Variants in KIF13A observed in about 807,000 individuals in gnomAD.
KIF13A encodes kinesin-like protein KIF13A.
KIF13A carries 79 observed loss-of-function variants against 212.2 expected under a neutral mutation model. The observed-to-expected ratio is 0.37, with a 90% CI of 0.31 to 0.45. KIF13A has a LOEUF of 0.45. KIF13A is among the 20% of genes least tolerant of loss of function. The pLI is 1.00. For missense variants in KIF13A, 1,901 were observed against 2,209.0 expected, an observed-to-expected ratio of 0.86 and a Z score of 2.79; for synonymous variants, 789 against 808.6, an observed-to-expected ratio of 0.98 and a Z score of 0.41.
chr6:17,966,443 ATTTTTTTT>A (rs543132119), intron 2 of KIF13A, among the ~76,000 whole-genome samples: 5 of 116,066 alleles, frequency 4.3e-5, no homozygotes, highest in Non-Finnish European at 8.6e-5. Flanking sequence ...AAGACTCTGA[ATTTTTTTT>A]TTTTTTTTTT....
chr6:17,962,978 C>T (rs900941313), intron 2 of KIF13A, among the ~76,000 whole-genome samples: 2 of 152,206 alleles, frequency 1.3e-5, no homozygotes, highest in African/African-American at 4.8e-5. Context: ...CTGTCCCCTC[C>T]CCCACTACAC....
At chr6:17,946,902 T>A (rs776198368) in intron 2 of KIF13A, among the ~76,000 whole-genome samples, 1 of 152,184 alleles carries the variant, frequency 6.6e-6, no homozygotes, top group Non-Finnish European at 1.5e-5. Context: ...GACAAATGAA[T>A]CTCAAGAACA....
chr6:17,798,195 T>C (rs888780619), intron 22 of KIF13A, among the ~76,000 whole-genome samples: 2 of 139,776 alleles, frequency 1.4e-5, no homozygotes, highest in Non-Finnish European at 3.0e-5. Flanking sequence ...ATTTTAGCGA[T>C]GAAAAAACTC....
chr6:17,937,742 T>G (rs886530667), intron 2 of KIF13A, among the ~76,000 whole-genome samples: 1 of 71,420 alleles, frequency 1.4e-5, no homozygotes, highest in Admixed American at 1.2e-4. Context: ...TTCTTTCCTT[T>G]TTTGTTTTTT....
At chr6:17,812,548 A>G (rs1225154814) in intron 17 of KIF13A, 2 of 152,174 alleles carry the variant, frequency 1.3e-5, no homozygotes, top group Non-Finnish European at 2.9e-5. Context: ...TCCATGGTGT[A>G]CATGTACCAC....
At chr6:17,830,882 C>G (rs910817436) in intron 13 of KIF13A, among the ~76,000 whole-genome samples, 5 of 152,070 alleles carry the variant, frequency 3.3e-5, no homozygotes, top group Non-Finnish European at 7.4e-5. Flanking sequence ...CACTCTGAAG[C>G]CTGGACTCAC....
intron 4 of KIF13A, among the ~76,000 whole-genome samples, chr6:17,858,617 G>C (rs1362969151): frequency 6.6e-6 from 1 of 152,164 alleles, no homozygotes; most frequent in Non-Finnish European, 1.5e-5. Flanking sequence ...CTGGAGCCAA[G>C]GCCTATATCA....
At chr6:17,887,327 C>T (rs1426972604) in intron 3 of KIF13A, among the ~76,000 whole-genome samples, 1 of 152,172 alleles carries the variant, frequency 6.6e-6, no homozygotes, top group East Asian at 1.9e-4. Context: ...TGTTTCTAGC[C>T]ATTGAACATT....
At chr6:17,782,496 C>T (rs953041787) in intron 29 of KIF13A, among the ~76,000 whole-genome samples, 2 of 151,840 alleles carry the variant, frequency 1.3e-5, no homozygotes, top group South Asian at 4.2e-4. Flanking sequence ...ATTGGCCAGG[C>T]ATGGTCGTGG....
chr6:17,865,317 G>C (rs867256033), intron 4 of KIF13A, among the ~76,000 whole-genome samples: 2 of 102,124 alleles, frequency 2.0e-5, no homozygotes, highest in Admixed American at 1.9e-4. Context: ...TCAGAGTAGA[G>C]AGAGAGAGGA....
chr6:17,903,968 C>T (rs1773271668), intron 2 of KIF13A, among the ~76,000 whole-genome samples: 1 of 150,696 alleles, frequency 6.6e-6, no homozygotes, highest in Admixed American at 6.6e-5. Context: ...CCCTAGGCAA[C>T]ACAGTAAGAC....
Position 17,826,168 on chromosome 6 carries a change from A to G in KIF13A, c.1533-44T>C. 3.4e-6 allele frequency: 5 copies of G among 1,468,580 alleles called. No homozygotes were observed. The highest frequency in any genetic ancestry group is 4.8e-6 in the Non-Finnish European group (5 of 1,050,474). The allele number at this position is 1,468,580 out of a possible 1,614,324, so 91.0% of individuals were successfully genotyped here. On this transcript the variant is annotated intron_variant, in intron 14 of 38. Coordinates refer to ENST00000259711, the MANE Select transcript of KIF13A (RefSeq NM_022113.6). The surrounding 1 kb of genome is among the most constrained non-coding windows in gnomAD (Gnocchi z 4.7). ...AAATACCAGGTAAATGGGAAGGAGCACAAGACCTTGTCCTGGTAGCCAAAG... is the reference window on the plus strand; with the variant it reads ...AAATACCAGGTAAATGGGAAGGAGCGCAAGACCTTGTCCTGGTAGCCAAAG...
Position 17,771,388 on chromosome 6 carries a change from A to ATCTGTTTATTCCTGTC in KIF13A, c.4477-171_4477-170insGACAGGAATAAACAGA. ...TAAACTACTGGAGAGATATGACAGGAATAAACAGATTCTGTGGCAAAAAGC... is the reference window on the plus strand; with the variant it reads ...TAAACTACTGGAGAGATATGACAGGATCTGTTTATTCCTGTCATAAACAGATTCTGTGGCAAAAAGC... On this transcript the variant is annotated intron_variant, in intron 37 of 38. Transcript: ENST00000259711. The surrounding 1 kb of genome is among the most constrained non-coding windows in gnomAD (Gnocchi z 5.4). 1.8e-6 allele frequency: 1 copy of ATCTGTTTATTCCTGTC among 562,332 alleles called. No homozygotes were observed. Among genetic ancestry groups the ATCTGTTTATTCCTGTC allele is most frequent in the Non-Finnish European group, 3.2e-6 (1 of 316,262 alleles). The allele number at this position is 562,332 out of a possible 1,614,324, so 34.8% of individuals were successfully genotyped here.
chr6:17,974,662 T>A (rs6913083), intron 2 of KIF13A, among the ~76,000 whole-genome samples: 1,714 of 151,770 alleles, frequency 0.011, 36 homozygotes, highest in African/African-American at 0.039. Flanking sequence ...GAAGCTTTTT[T>A]AAAAAAAATC....
At chr6:17,874,419 T>TA (rs1022009155) in intron 3 of KIF13A, among the ~76,000 whole-genome samples, 1 of 151,964 alleles carries the variant, frequency 6.6e-6, no homozygotes, top group African/African-American at 2.4e-5. Context: ...CATGTAAAAG[T>TA]ATCTCTTCAT....
At chr6:17,880,109 C>A (rs1452041097) in intron 3 of KIF13A, among the ~76,000 whole-genome samples, 1 of 152,102 alleles carries the variant, frequency 6.6e-6, no homozygotes, top group Non-Finnish European at 1.5e-5. Flanking sequence ...GCGCATGCCA[C>A]CATGCCCAGC....
At chr6:17,815,764 G>T (rs6459576) in intron 17 of KIF13A, 83,202 of 192,676 alleles carry the variant, frequency 0.43, 18,086 homozygotes, top group Admixed American at 0.47. Flanking sequence ...CTATATATTA[G>T]CTTTATTATA....
At chr6:17,933,153 T>A (rs1228051123) in intron 2 of KIF13A, among the ~76,000 whole-genome samples, 1 of 152,144 alleles carries the variant, frequency 6.6e-6, no homozygotes, top group East Asian at 1.9e-4. Flanking sequence ...CTGGAGAACA[T>A]GAATTTAAGA....
chr6:17,914,961 A>G lies in KIF13A; in HGVS notation c.147-16781T>C, dbSNP rs1774369890. ...AATACACACTGGCCTATCTGCCACT[A>G]TTAAAGACTTGACTTCAATTAATAC... is the stretch of plus-strand genomic sequence containing the variant. On this transcript the variant is annotated intron_variant, in intron 2 of 38. Transcript: ENST00000259711. The surrounding 1 kb of genome is among the most constrained non-coding windows in gnomAD (Gnocchi z 5.9). Among the ~76,000 whole-genome samples the G allele has an allele frequency of 6.6e-6, 1 of 152,210 alleles. No individual in the cohort carries two copies. The highest frequency in any genetic ancestry group is 2.4e-5 in the African/African-American group (1 of 41,460).
Sources: allele counts gnomAD v4.1 joint callset (sites outside exome capture counted in the v4.1 genomes callset), GRCh38; gene constraint gnomAD v4.1.1; non-coding constraint Gnocchi (gnomAD v3.1); transcripts MANE v1.5; gene names NCBI Gene and HGNC (gene_info 2026-07-23, HGNC 2026-07-21).